ERGIC3: variants seen among roughly 807,000 people sequenced by gnomAD.
The protein encoded by ERGIC3 is endoplasmic reticulum-Golgi intermediate compartment protein 3.
In ERGIC3, 33 loss-of-function variants were observed where a neutral mutation model predicts 54.7. That is an observed-to-expected ratio of 0.60 (90% CI 0.46 to 0.81). The LOEUF (loss-of-function observed/expected upper bound fraction) is 0.81. Ranked by LOEUF, ERGIC3 falls within the 30% of genes least tolerant of loss-of-function variation. The pLI is 0.00. For synonymous variants in ERGIC3, 186 were observed against 189.8 expected (o/e 0.98, Z 0.16); for missense variants, 399 against 488.4 (o/e 0.82, Z 1.73).
At position 35,555,059 on chromosome 20, in the gene ERGIC3, G is replaced by T; in HGVS notation, c.701G>T (p.Ser234Ile). 6.2e-7 allele frequency: 1 copy of T among 1,613,444 alleles called. No homozygotes were observed. The highest frequency in any genetic ancestry group is 8.5e-7 in the Non-Finnish European group (1 of 1,179,936). The change falls in exon 8 of 13, where the codon AGC becomes ATC. Residue 234 changes from serine to isoleucine, a missense_variant. Ser to Ile is a moderately radical substitution (Grantham distance 142). Coordinates refer to ENST00000348547, the MANE Select transcript of ERGIC3 (RefSeq NM_015966.3). ...TCTCTCCTAGTCCATGACTTGCAGA[G>T]CTTTGGCCTTGACAACGTACGTACC... is the stretch of plus-strand genomic sequence containing the variant. ...QSHVHVHDLQ[S>I]FGLDNINMTH...
intron 4 of ERGIC3, 77 bp from the exon 5 acceptor site, chr20:35,547,334 AG>A (rs2064653971): frequency 9.5e-7 from 1 of 1,052,400 alleles, no homozygotes; most frequent in African/African-American, 1.6e-5. Flanking sequence ...CCCTAAGCAA[AG>A]GGCTTGTGCA....
intron 7 of ERGIC3, among the ~76,000 whole-genome samples, chr20:35,552,636 T>G (rs932585717): frequency 2.0e-5 from 3 of 152,066 alleles, no homozygotes; most frequent in African/African-American, 7.2e-5. Flanking sequence ...CTGAGTGTAG[T>G]GTCAACAAGT....
intron 7 of ERGIC3, among the ~76,000 whole-genome samples, chr20:35,554,607 A>G (rs2064701292): frequency 6.6e-6 from 1 of 152,218 alleles, no homozygotes. Flanking sequence ...CAGTTGGTAC[A>G]GGGTCCCCAT....
chr20:35,546,070 G>C (rs879590994), intron 4 of ERGIC3, among the ~76,000 whole-genome samples: 2 of 152,194 alleles, frequency 1.3e-5, no homozygotes, highest in Non-Finnish European at 2.9e-5. Flanking sequence ...GCCAAGTGGA[G>C]AGAGTTTCAA....
chr20:35,554,939 G>A, intron 7 of ERGIC3, 105 bp from the exon 8 acceptor site: 1 of 1,336,764 alleles, frequency 7.5e-7, no homozygotes, highest in Non-Finnish European at 1.1e-6. Context: ...GAAGGAATGA[G>A]GGGCAGAGAA....
rs1376866214 is a variant in ERGIC3, at chr20:35,542,398, G to A, written c.159+5G>A. 1 of 1,613,872 alleles carries A rather than the reference G, an allele frequency of 6.2e-7. No homozygotes were observed. The highest frequency in any genetic ancestry group is 8.5e-7 in the Non-Finnish European group (1 of 1,180,010). On this transcript the variant is annotated splice_donor_5th_base_variant and intron_variant, in intron 2 of 12. Transcript: ENST00000348547. ...CAGTATTACCTCACCACGGAGGTAA[G>A]GGGCGGGGCTTAGTGCGTGGGCGGG...
At chr20:35,544,013 A>ACTGT (rs2064632338) in intron 4 of ERGIC3, 2 of 187,500 alleles carry the variant, frequency 1.1e-5, no homozygotes, top group African/African-American at 2.5e-5. Context: ...TGAAGAATCT[A>ACTGT]CTATCTATCT....
intron 5 of ERGIC3, 89 bp from the exon 6 acceptor site, chr20:35,548,420 A>C: frequency 1.4e-6 from 2 of 1,410,112 alleles, no homozygotes; most frequent in East Asian, 2.3e-5. Flanking sequence ...CTTCATTAGC[A>C]GGCAGAGCTG....
intron 4 of ERGIC3, chr20:35,545,551 G>C (rs1189977578): frequency 6.6e-6 from 1 of 151,850 alleles, no homozygotes; most frequent in Non-Finnish European, 1.5e-5. Flanking sequence ...TAGGCAACAA[G>C]AGTGAAACTC....
At chr20:35,556,846 C>T (rs1458278670) in intron 10 of ERGIC3, 127 bp from the exon 11 acceptor site, 3 of 1,335,442 alleles carry the variant, frequency 2.2e-6, no homozygotes, top group African/African-American at 1.5e-5. Context: ...GCCACTAGCA[C>T]GGTGCTGTGT....
chr20:35,542,484 T>C (rs2147301334), intron 2 of ERGIC3, 29 bp from the exon 3 acceptor site: 1 of 1,613,898 alleles, frequency 6.2e-7, no homozygotes, highest in Non-Finnish European at 8.5e-7. Context: ...GGTTTGGGGC[T>C]AAGTCTTACT....
chr20:35,552,157 C>T (rs2064685260), intron 7 of ERGIC3, among the ~76,000 whole-genome samples: 1 of 152,088 alleles, frequency 6.6e-6, no homozygotes, highest in African/African-American at 2.4e-5. Flanking sequence ...TCTGTAGGTA[C>T]AGGTAGGGTG....
Position 35,542,708 on chromosome 20 carries a change from C to T in ERGIC3, c.247+108C>T. On this transcript the variant is annotated intron_variant, in intron 3 of 12. Coordinates refer to ENST00000348547, the MANE Select transcript of ERGIC3 (RefSeq NM_015966.3). ...CTGGACTGGACCCCAGGACAACCTC[C>T]TTCTCCTCATCCCGTTCTGCCCCAA... 3.1e-6 allele frequency: 5 copies of T among 1,600,430 alleles called. No homozygotes were observed. The South Asian group carries it at 4.4e-5, about 14-fold the overall frequency.
intron 4 of ERGIC3, 106 bp downstream of exon 4, chr20:35,543,047 A>C: frequency 6.5e-7 from 1 of 1,548,180 alleles, no homozygotes; most frequent in Non-Finnish European, 8.8e-7. Context: ...TAAACAACTA[A>C]GAGCTAGAGA....
intron 6 of ERGIC3, 43 bp downstream of exon 6, chr20:35,548,717 G>A (rs1479552995): frequency 1.2e-6 from 2 of 1,614,100 alleles, no homozygotes; most frequent in Admixed American, 1.7e-5. Flanking sequence ...GCTGGGCTGG[G>A]CAAGCTCCAC....
At chr20:35,542,744 G>GTAT (rs755152429) in intron 3 of ERGIC3, 78 bp from the exon 4 acceptor site, 3 of 1,611,634 alleles carry the variant, frequency 1.9e-6, no homozygotes, top group Non-Finnish European at 2.5e-6. Flanking sequence ...GACAGGCCCA[G>GTAT]TATCCCCTTC....
At chr20:35,547,532 G>T in intron 5 of ERGIC3, 27 bp downstream of exon 5, 2 of 1,603,414 alleles carry the variant, frequency 1.2e-6, no homozygotes, top group Non-Finnish European at 1.7e-6. Context: ...CGGGAGCAGG[G>T]TTCCCATCAG....
intron 4 of ERGIC3, chr20:35,543,509 C>T: frequency 2.3e-6 from 1 of 435,514 alleles, no homozygotes; most frequent in South Asian, 1.7e-5. Context: ...GAGTGGGTAC[C>T]CACTTTTACC....
chr20:35,546,977 G>T (rs1198392471), intron 4 of ERGIC3, among the ~76,000 whole-genome samples: 2 of 152,028 alleles, frequency 1.3e-5, no homozygotes, highest in Non-Finnish European at 2.9e-5. Context: ...CAGAGGGAGA[G>T]GTGTGAGGAG....
Sources: allele counts gnomAD v4.1 joint callset (sites outside exome capture counted in the v4.1 genomes callset), GRCh38; gene constraint gnomAD v4.1.1; transcripts MANE v1.5; gene names NCBI Gene and HGNC (gene_info 2026-07-23, HGNC 2026-07-21).